The following PHACTR2 variants were observed in gnomAD, a reference collection of about 807,000 sequenced individuals.
The protein encoded by PHACTR2 is phosphatase and actin regulator 2, also known as chromosome 6 open reading frame 56.
In PHACTR2, 30 loss-of-function variants were observed where a neutral mutation model predicts 76.0. That is an observed-to-expected ratio of 0.39 (90% confidence interval 0.30 to 0.54). The LOEUF is 0.54. Ranked by LOEUF, PHACTR2 falls within the 20% of genes least tolerant of loss-of-function variation. The probability of loss-of-function intolerance (pLI) is 0.61; values close to 1 mark genes in which losing one functional copy is unlikely to be tolerated. For synonymous variants in PHACTR2, 292 were observed against 292.5 expected, an observed-to-expected ratio of 1.00 and a Z score of 0.02; for missense variants, 696 against 781.1, an observed-to-expected ratio of 0.89 and a Z score of 1.30.
In PHACTR2 at chr6:143,597,219, A is replaced by G. The variant is rs1267561008; in HGVS notation, c.217+60012A>G. The stretch of plus-strand genomic sequence containing the variant: ...AAGATAGTTGCTCAACCTAGCCTCC[A>G]AGAAATGAAAGACATACCATTCGTG... On this transcript the variant is annotated intron_variant, in intron 1 of 11. Coordinates refer to the PHACTR2 transcript ENST00000367584. This position sits in a 1 kb window ranked among gnomAD's most constrained non-coding sequence, Gnocchi z 5.7. 1.3e-5 allele frequency among the ~76,000 whole-genome samples: 2 copies of G among 152,234 alleles called. No homozygotes were observed. Among genetic ancestry groups the G allele is most frequent in the Admixed American group, 6.5e-5 (1 of 15,282 alleles).
rs11756208 is a variant in PHACTR2, at chr6:143,795,157, T to C, written c.1845+6247T>C. The stretch of plus-strand genomic sequence containing the variant: ...GTCGGGGCACAATGACTCACACTTG[T>C]AATGTTAGCACTTTGGGAGGCCAAG... On this transcript the variant is annotated intron_variant, in intron 11 of 12. Transcript: ENST00000440869. The surrounding 1 kb of genome is among the most constrained non-coding windows in gnomAD (Gnocchi z 4.8). Among the ~76,000 whole-genome samples the C allele has an allele frequency of 0.29, 44,398 of 152,134 alleles. 6,465 individuals are homozygous for C. The highest frequency in any genetic ancestry group is 0.34 in the Admixed American group (5,257 of 15,286).
chr6:143,650,111 A>G (rs1334138363), intron 1 of PHACTR2, among the ~76,000 whole-genome samples: 2 of 152,178 alleles, frequency 1.3e-5, no homozygotes, highest in Non-Finnish European at 2.9e-5. Context: ...AAAATAAAAT[A>G]CCTAGGAATA....
At chr6:143,763,083 G>A (rs1779475687) in intron 5 of PHACTR2, among the ~76,000 whole-genome samples, 1 of 152,134 alleles carries the variant, frequency 6.6e-6, no homozygotes, top group East Asian at 1.9e-4. Context: ...TATTGGCCAG[G>A]CATTGTGACT....
rs887031205 is a variant in PHACTR2 at position 143,689,974 on chromosome 6, C to T, written c.46+11765C>T. ...CAGCTCCCAAAATGCTGGGATTACC[C>T]GTGTGAGCCACTGTGCCCAGCCCCA... On this transcript the variant is annotated intron_variant, in intron 1 of 12. Transcript: ENST00000440869. This position sits in a 1 kb window ranked among gnomAD's most constrained non-coding sequence, Gnocchi z 4.4. Among the ~76,000 whole-genome samples the T allele has an allele frequency of 3.3e-5, 5 of 152,150 alleles. No individual in the cohort carries two copies. The highest frequency in any genetic ancestry group is 1.2e-4 in the African/African-American group (5 of 41,426).
In PHACTR2 at chr6:143,654,662, A is replaced by G. The variant is rs1776818412; in HGVS notation, c.13+46340A>G. On this transcript the variant is annotated intron_variant, in intron 1 of 11. Transcript: ENST00000305766. This position sits in a 1 kb window ranked among gnomAD's most constrained non-coding sequence, Gnocchi z 4.6. ...TCTACAAAAAGTAAAAAATTAGCCA[A>G]GCATGGTGGTGCACGCCTGTAGTCC... Among the ~76,000 whole-genome samples the G allele has an allele frequency of 6.6e-6, 1 of 151,800 alleles. No individual in the cohort carries two copies. Among genetic ancestry groups the G allele is most frequent in the South Asian group, 2.1e-4 (1 of 4,824 alleles).
At chr6:143,545,071 A>G (rs1774960673) in intron 1 of PHACTR2, among the ~76,000 whole-genome samples, 2 of 151,994 alleles carry the variant, frequency 1.3e-5, no homozygotes, top group South Asian at 2.1e-4. Context: ...AGCCTCCTGA[A>G]TAGCTGGGAC....
rs1776471135 is a variant in PHACTR2 at position 143,823,551 on chromosome 6, T to C, written c.1923-123T>C. ...TGTTATGACAGAAATTTGTAAACAG[T>C]AATTCAGTTGGGGGATATCTGGGGT... is the stretch of plus-strand genomic sequence containing the variant. On this transcript the variant is annotated intron_variant, in intron 12 of 12. Coordinates refer to ENST00000440869, the MANE Select transcript of PHACTR2 (RefSeq NM_001100164.2). This position sits in a 1 kb window ranked among gnomAD's most constrained non-coding sequence, Gnocchi z 5.7. 6.0e-6 allele frequency: 4 copies of C among 665,506 alleles called. No individual in the cohort carries two copies. The highest frequency in any genetic ancestry group is 4.4e-5 in the Admixed American group (2 of 45,224). The allele number at this position is 665,506 out of a possible 1,614,324, so 41.2% of individuals were successfully genotyped here. A position where few individuals can be genotyped will look rare whatever the true frequency, so the allele number is the denominator to read the frequency against.
chr6:143,614,326 A>G (rs1438645693), intron 1 of PHACTR2, among the ~76,000 whole-genome samples: 1 of 152,230 alleles, frequency 6.6e-6, no homozygotes, highest in Non-Finnish European at 1.5e-5. Flanking sequence ...TCCCAATCAT[A>G]TTAACCTCAG....
chr6:143,734,307 A>C (rs1778771007), intron 2 of PHACTR2, among the ~76,000 whole-genome samples: 1 of 150,110 alleles, frequency 6.7e-6, no homozygotes, highest in South Asian at 2.1e-4. Flanking sequence ...GATCGATAAA[A>C]CCATGAAATC....
rs9386037 is a variant in PHACTR2 at position 143,570,813 on chromosome 6, T to C, written c.217+33606T>C. Among the ~76,000 whole-genome samples, 92,582 of 151,288 alleles carry C rather than the reference T, an allele frequency of 0.61. 28,620 individuals are homozygous for C. Among genetic ancestry groups the C allele is most frequent in the Middle Eastern group, 0.72 (212 of 294 alleles). On this transcript the variant is annotated intron_variant, in intron 1 of 11. Coordinates refer to the PHACTR2 transcript ENST00000367584. This position sits in a 1 kb window ranked among gnomAD's most constrained non-coding sequence, Gnocchi z 4.6. ...TTGAGCACACTTTTGACGGTGGAGA[T>C]GCCGCTTTATTGCAAATCCCTCCCC...
chr6:143,659,644 C>T lies in PHACTR2; in HGVS notation c.13+51322C>T, dbSNP rs146226781. ...AGCCAGTGTCCCCTAGCAAGACAGA[C>T]GTGCCCTCTCAGGGGGAGGGGATCA... On this transcript the variant is annotated intron_variant, in intron 1 of 11. Transcript: ENST00000305766. The surrounding 1 kb of genome is among the most constrained non-coding windows in gnomAD (Gnocchi z 5.0). Among the ~76,000 whole-genome samples, 79 of 152,342 alleles carry T rather than the reference C, an allele frequency of 5.2e-4. No homozygotes were observed. Among genetic ancestry groups the T allele is most frequent in the African/African-American group, 1.3e-3 (55 of 41,582 alleles).
upstream of PHACTR2, among the ~76,000 whole-genome samples, chr6:143,676,605 A>AAAACT (rs2128451915): frequency 6.6e-6 from 1 of 152,314 alleles, no homozygotes; most frequent in East Asian, 1.9e-4. The surrounding 1 kb of genome is among the most constrained non-coding windows in gnomAD (Gnocchi z 4.8). Flanking sequence ...AGCCATTATA[A>AAAACT]TTGCTTACTC....
chr6:143,700,311 T>A lies in PHACTR2; in HGVS notation c.47-11705T>A, dbSNP rs1777878935. ...GGCTCATGCCTGTAAACCAAACACT[T>A]TGGGAGGCTGAGGTGGGCGGATCAC... On this transcript the variant is annotated intron_variant, in intron 1 of 12. Coordinates refer to ENST00000440869, the MANE Select transcript of PHACTR2 (RefSeq NM_001100164.2). The surrounding 1 kb of genome is among the most constrained non-coding windows in gnomAD (Gnocchi z 4.1). 6.6e-6 allele frequency among the ~76,000 whole-genome samples: 1 copy of A among 152,096 alleles called. No individual in the cohort carries two copies. Among genetic ancestry groups the A allele is most frequent in the African/African-American group, 2.4e-5 (1 of 41,410 alleles).
At chr6:143,665,839 A>G (rs1463252001) in intron 1 of PHACTR2, among the ~76,000 whole-genome samples, 1 of 152,200 alleles carries the variant, frequency 6.6e-6, no homozygotes, top group Non-Finnish European at 1.5e-5. Context: ...TTGCAACCTT[A>G]TCGCACTCGT....
At position 143,748,969 on chromosome 6, in the gene PHACTR2, T is replaced by G. The variant is rs745563150; in HGVS notation, c.215-16T>G. Reference sequence around the variant, plus strand: ...GGAATGACTTGATTCTTACTTGTGCTTGTTCTTTTTAAAAGTATTAGAAAG... The same window carrying G: ...GGAATGACTTGATTCTTACTTGTGCGTGTTCTTTTTAAAAGTATTAGAAAG... On this transcript the variant is annotated splice_polypyrimidine_tract_variant and intron_variant, in intron 2 of 12. Coordinates refer to ENST00000440869, the MANE Select transcript of PHACTR2 (RefSeq NM_001100164.2). 2 of 1,336,686 alleles carry G rather than the reference T, an allele frequency of 1.5e-6. No individual in the cohort carries two copies. The highest frequency in any genetic ancestry group is 2.4e-5 in the South Asian group (2 of 82,240). 82.8% of individuals were successfully genotyped at this position (1,336,686 alleles called of 1,614,324 possible).
At position 143,775,362 on chromosome 6, in the gene PHACTR2, C is replaced by T. The variant is rs1326730591; in HGVS notation, c.1589+1147C>T. Among the ~76,000 whole-genome samples, 2 of 152,150 alleles carry T rather than the reference C, an allele frequency of 1.3e-5. No individual in the cohort carries two copies. The highest frequency in any genetic ancestry group is 2.9e-5 in the Non-Finnish European group (2 of 68,026). On this transcript the variant is annotated intron_variant, in intron 8 of 12. Transcript: ENST00000440869. This position sits in a 1 kb window ranked among gnomAD's most constrained non-coding sequence, Gnocchi z 4.4. ...TCTCGCTCTCGTCTTCTTAATTCAGCCCTAACCTGTGACCATTTCTGGCTT... is the reference window on the plus strand; with the variant it reads ...TCTCGCTCTCGTCTTCTTAATTCAGTCCTAACCTGTGACCATTTCTGGCTT...
rs547594561 is a variant in PHACTR2, at chr6:143,688,106, G to T, written c.46+9897G>T. On this transcript the variant is annotated intron_variant, in intron 1 of 12. Transcript: ENST00000440869. The surrounding 1 kb of genome is among the most constrained non-coding windows in gnomAD (Gnocchi z 5.2). Reference sequence around the variant, plus strand: ...GAGGCAAAACACATAATGGGGACAAGAATTCAGGCTCTGAAAAGGAAAGGG... The same window carrying T: ...GAGGCAAAACACATAATGGGGACAATAATTCAGGCTCTGAAAAGGAAAGGG... Among the ~76,000 whole-genome samples the T allele has an allele frequency of 6.6e-6, 1 of 151,784 alleles. No homozygotes were observed. Among genetic ancestry groups the T allele is most frequent in the Non-Finnish European group, 1.5e-5 (1 of 67,958 alleles).
rs966285760 is a variant in PHACTR2 at position 143,581,023 on chromosome 6, C to G, written c.217+43816C>G. Among the ~76,000 whole-genome samples, 1 of 152,154 alleles carries G rather than the reference C, an allele frequency of 6.6e-6. No individual in the cohort carries two copies. Among genetic ancestry groups the G allele is most frequent in the Admixed American group, 6.5e-5 (1 of 15,280 alleles). On this transcript the variant is annotated intron_variant, in intron 1 of 11. Transcript: ENST00000367584. This position sits in a 1 kb window ranked among gnomAD's most constrained non-coding sequence, Gnocchi z 4.5. ...ACAGAACACCTACACATCAGGAGCT[C>G]AAAAACAGATATATTCTTTAAATGT...
rs1431276088 is a variant in PHACTR2 at position 143,671,757 on chromosome 6, A to T, written c.14-40259A>T. Among the ~76,000 whole-genome samples, 1 of 152,234 alleles carries T rather than the reference A, an allele frequency of 6.6e-6. No homozygotes were observed. The highest frequency in any genetic ancestry group is 1.5e-5 in the Non-Finnish European group (1 of 68,042). On this transcript the variant is annotated intron_variant, in intron 1 of 11. Transcript: ENST00000305766. The surrounding 1 kb of genome is among the most constrained non-coding windows in gnomAD (Gnocchi z 4.6). ...GTTATTATTAATATAGAACTAGCAT[A>T]TATGTAACACAATATAGACCCAAAG...
Sources: allele counts gnomAD v4.1 joint callset (sites outside exome capture counted in the v4.1 genomes callset), GRCh38; gene constraint gnomAD v4.1.1; non-coding constraint Gnocchi (gnomAD v3.1); transcripts MANE v1.5; gene names NCBI Gene and HGNC (gene_info 2026-07-23, HGNC 2026-07-21).